MAGI2: variants seen among roughly 807,000 people sequenced by gnomAD.
The protein encoded by MAGI2 is membrane associated guanylate kinase, WW and PDZ domain containing 2, also known as membrane-associated guanylate kinase, WW and PDZ domain-containing protein 2.
MAGI2 carries 35 observed loss-of-function variants against 133.3 expected under a neutral mutation model. The ratio of observed to expected loss-of-function variants is 0.26; its 90% CI spans 0.20 to 0.35. The LOEUF (loss-of-function observed/expected upper bound fraction) is 0.35, where lower values mean the gene tolerates loss of function less well. Among genes scored for constraint, MAGI2 ranks in the 10% least tolerant of loss-of-function variants. The pLI, the probability that MAGI2 is intolerant of heterozygous loss-of-function variation, is 1.00. For synonymous variants in MAGI2, 729 were observed against 710.6 expected (o/e 1.03, Z -0.41); for missense variants, 1,636 against 1,863.4 (o/e 0.88, Z 2.25).
chr7:78,316,717 A>G (rs1381787864), intron 9 of MAGI2, among the ~76,000 whole-genome samples: 2 of 152,208 alleles, frequency 1.3e-5, no homozygotes, highest in Non-Finnish European at 1.5e-5. Flanking sequence ...GGTGAAGAAA[A>G]TGTGAAACTC....
At chr7:79,094,562 G>T (rs1160126084) in intron 1 of MAGI2, among the ~76,000 whole-genome samples, 1 of 152,120 alleles carries the variant, frequency 6.6e-6, no homozygotes, top group Admixed American at 6.5e-5. Context: ...CTTTGCCCAG[G>T]TCCATTAATG....
chr7:78,290,865 A>G (rs529831470), intron 9 of MAGI2, among the ~76,000 whole-genome samples: 2 of 152,380 alleles, frequency 1.3e-5, no homozygotes, highest in South Asian at 4.1e-4. Context: ...GAAGGCAGAA[A>G]TAAAGATGTT....
chr7:79,212,504 G>A (rs762321622), intron 1 of MAGI2, among the ~76,000 whole-genome samples: 37 of 152,060 alleles, frequency 2.4e-4, no homozygotes, highest in Non-Finnish European at 4.9e-4. Flanking sequence ...TCTTGCCAGT[G>A]CAGGGTAGTA....
intron 1 of MAGI2, 128 bp from the exon 2 acceptor site, chr7:79,007,334 T>C (rs2116527765): frequency 3.4e-6 from 2 of 580,102 alleles, no homozygotes; most frequent in South Asian, 2.2e-5. Context: ...TCTTTTGATC[T>C]TCTCAAACAT....
intron 7 of MAGI2, among the ~76,000 whole-genome samples, chr7:78,366,505 C>T (rs973685073): frequency 6.6e-6 from 1 of 152,050 alleles, no homozygotes; most frequent in Non-Finnish European, 1.5e-5. Context: ...AAGAAGGCTA[C>T]TATTCAGAAC....
At chr7:78,349,832 A>C (rs1791311963) in intron 7 of MAGI2, among the ~76,000 whole-genome samples, 1 of 152,228 alleles carries the variant, frequency 6.6e-6, no homozygotes, top group South Asian at 2.1e-4. Flanking sequence ...TTCCAAAATG[A>C]ATAGTTTCAA....
At chr7:78,031,864 C>T (rs1037915688) in intron 21 of MAGI2, among the ~76,000 whole-genome samples, 1 of 152,174 alleles carries the variant, frequency 6.6e-6, no homozygotes, top group Admixed American at 6.5e-5. Context: ...TATTCATGAT[C>T]TTCCTCCTGA....
intron 2 of MAGI2, among the ~76,000 whole-genome samples, chr7:78,972,007 A>T (rs1456343756): frequency 3.3e-5 from 5 of 151,960 alleles, no homozygotes; most frequent in Admixed American, 3.3e-4. Context: ...TTCATACATC[A>T]CAAAAAATAA....
intron 1 of MAGI2, among the ~76,000 whole-genome samples, chr7:79,215,380 G>GT (rs552821105): frequency 4.6e-5 from 7 of 151,912 alleles, no homozygotes; most frequent in African/African-American, 1.7e-4. Flanking sequence ...TCACTTTCCA[G>GT]TTTTTTTCCT....
chr7:79,118,910 G>T (rs1397814390), intron 1 of MAGI2, among the ~76,000 whole-genome samples: 2 of 152,082 alleles, frequency 1.3e-5, no homozygotes, highest in Non-Finnish European at 2.9e-5. Flanking sequence ...CTTCTTCAAA[G>T]ATTGTTTTAC....
chr7:79,449,897 T>TATATATATTATATATATATATAA (rs1491494586), intron 1 of MAGI2, among the ~76,000 whole-genome samples: 2 of 132,326 alleles, frequency 1.5e-5, no homozygotes, highest in Non-Finnish European at 3.3e-5. Context: ...TATATATATA[T>TATATATATTATATATATATATAA]AATGTCTTAA....
At chr7:78,628,371 T>TA (rs1351590040) in intron 2 of MAGI2, among the ~76,000 whole-genome samples, 2 of 152,242 alleles carry the variant, frequency 1.3e-5, no homozygotes, top group East Asian at 3.9e-4. Context: ...GTCTATATGC[T>TA]AAAAAAGTAT....
At chr7:79,210,967 G>A (rs1829449476) in intron 1 of MAGI2, among the ~76,000 whole-genome samples, 1 of 151,992 alleles carries the variant, frequency 6.6e-6, no homozygotes, top group Admixed American at 6.6e-5. Flanking sequence ...CCATAAAAAT[G>A]TTCATTATGT....
At chr7:78,596,324 G>A (rs371108153) in intron 3 of MAGI2, among the ~76,000 whole-genome samples, 3 of 152,084 alleles carry the variant, frequency 2.0e-5, no homozygotes, top group African/African-American at 7.2e-5. Flanking sequence ...TGAAGATGAA[G>A]TGTAGTTCCT....
intron 1 of MAGI2, among the ~76,000 whole-genome samples, chr7:79,337,258 CT>C (rs903488806): frequency 3.3e-5 from 5 of 152,130 alleles, no homozygotes; most frequent in African/African-American, 1.2e-4. Flanking sequence ...GATCTTTTTA[CT>C]TTAAAAGGTG....
chr7:78,696,211 T>C (rs1467105511), intron 2 of MAGI2, among the ~76,000 whole-genome samples: 1 of 152,196 alleles, frequency 6.6e-6, no homozygotes, highest in African/African-American at 2.4e-5. Context: ...GTGTTGGGAT[T>C]ACAGGCATGA....
At position 79,399,109 on chromosome 7, in the gene MAGI2, T is replaced by C. The variant is rs117303175; in HGVS notation, c.301+53911A>G. 3.4e-5 allele frequency among the ~76,000 whole-genome samples: 5 copies of C among 146,312 alleles called. No individual in the cohort carries two copies. In the Admixed American group the frequency reaches 3.4e-4, roughly 10 times the overall value. ...TTTTTTCTTTTCTTTTTTTTTTTTTTTGGGAGATGGAGCCTCACTCTGTGG... is the reference window on the plus strand; with the variant it reads ...TTTTTTCTTTTCTTTTTTTTTTTTTCTGGGAGATGGAGCCTCACTCTGTGG... On this transcript the variant is annotated intron_variant, in intron 1 of 21. Transcript: ENST00000354212.
intron 20 of MAGI2, among the ~76,000 whole-genome samples, chr7:78,109,033 G>A (rs972795105): frequency 2.0e-5 from 3 of 151,826 alleles, no homozygotes; most frequent in Non-Finnish European, 2.9e-5. Flanking sequence ...GGCTGGGCGC[G>A]GTGGCTCATG....
chr7:78,670,585 TG>T (rs1814253639), intron 2 of MAGI2, among the ~76,000 whole-genome samples: 1 of 152,122 alleles, frequency 6.6e-6, no homozygotes. Context: ...AAAGTTCATA[TG>T]GAACCAAAAA....
Sources: gnomAD v4.1 joint callset for allele counts (sites outside exome capture counted in the v4.1 genomes callset) on GRCh38, gnomAD v4.1.1 for gene constraint, MANE v1.5 for transcripts, NCBI Gene and HGNC (gene_info 2026-07-23, HGNC 2026-07-21) for gene names.